Variants in CFAP184 observed in about 807,000 individuals in gnomAD.
CFAP184 encodes the protein cilia and flagella associated protein 184.
At chr4:7,041,440 C>G in the CFAP184 span, 1 of 1,614,256 alleles carries the variant, frequency 6.2e-7, no homozygotes, top group Non-Finnish European at 8.5e-7. Context: ...GCCTAGAAGG[C>G]CGCACTTCTG....
At chr4:7,042,873 G>C in the CFAP184 span, 66 of 1,565,858 alleles carry the variant, frequency 4.2e-5, no homozygotes, top group South Asian at 7.0e-4. Context: ...ACGGCCGCGC[G>C]GCCAGGCTTT....
the CFAP184 span, chr4:7,041,028 G>A: frequency 2.3e-5 from 10 of 440,514 alleles, no homozygotes; most frequent in Admixed American, 3.5e-4. Context: ...TTCATGAGAA[G>A]TCAGTTACAT....
the CFAP184 span, chr4:7,042,899 C>G: frequency 6.4e-7 from 1 of 1,551,796 alleles, no homozygotes; most frequent in African/African-American, 1.4e-5. Flanking sequence ...TCTCCGCCTT[C>G]CCCGCCGGGG....
At chr4:7,041,547 C>T in the CFAP184 span, 1 of 1,614,244 alleles carries the variant, frequency 6.2e-7, no homozygotes, top group Non-Finnish European at 8.5e-7. Flanking sequence ...CGATTTCTGC[C>T]AGCTGTGTCT....
chr4:7,041,330 A>C, the CFAP184 span: 1 of 1,614,040 alleles, frequency 6.2e-7, no homozygotes, highest in East Asian at 2.2e-5. Flanking sequence ...CTGCAGGACA[A>C]AGTGAGGCTA....
At chr4:7,041,798 G>C in the CFAP184 span, 4 of 1,611,664 alleles carry the variant, frequency 2.5e-6, no homozygotes, top group African/African-American at 2.7e-5. Context: ...TGCTTCAGCT[G>C]AATGTTCTCC....
the CFAP184 span, chr4:7,042,723 C>T: frequency 6.6e-7 from 1 of 1,518,336 alleles, no homozygotes; most frequent in Non-Finnish European, 8.8e-7. Context: ...CTGCCGTTAG[C>T]CCTTTCGGGG....
chr4:7,042,441 C>T, the CFAP184 span: 3 of 1,611,704 alleles, frequency 1.9e-6, no homozygotes, highest in Non-Finnish European at 2.5e-6. Context: ...CTTCCTCCCC[C>T]TCCACCCGCT....
chr4:7,042,294 C>A, the CFAP184 span: 1 of 1,588,048 alleles, frequency 6.3e-7, no homozygotes, highest in Non-Finnish European at 8.6e-7. Context: ...GCTTCTGGAC[C>A]TCCTCGGACC....
chr4:7,042,469 G>T, the CFAP184 span: 7 of 1,610,586 alleles, frequency 4.3e-6, no homozygotes, highest in Non-Finnish European at 5.9e-6. Flanking sequence ...GGCCTCCGGG[G>T]CTGCAGCAGC....
the CFAP184 span, chr4:7,042,662 G>A: frequency 9.3e-6 from 14 of 1,501,878 alleles, no homozygotes; most frequent in African/African-American, 1.8e-4. Flanking sequence ...TCGGGCTGGG[G>A]CTCGGCCGGC....
At chr4:7,042,903 G>T in the CFAP184 span, 17 of 1,549,472 alleles carry the variant, frequency 1.1e-5, no homozygotes, top group Non-Finnish European at 1.5e-5. Flanking sequence ...CGCCTTCCCC[G>T]CCGGGGTCCT....
the CFAP184 span, chr4:7,041,827 TC>T: frequency 3.7e-6 from 6 of 1,609,890 alleles, no homozygotes; most frequent in Admixed American, 1.0e-4. Context: ...GGCGCTCATC[TC>T]CTTCTCCTTT....
the CFAP184 span, chr4:7,041,817 G>C: frequency 6.2e-7 from 1 of 1,610,380 alleles, no homozygotes; most frequent in Non-Finnish European, 8.5e-7. Flanking sequence ...CCAGCCGCAC[G>C]GCGCTCATCT....
At chr4:7,041,561 T>TAAA in the CFAP184 span, 1 of 1,614,284 alleles carries the variant, frequency 6.2e-7, no homozygotes, top group Non-Finnish European at 8.5e-7. Context: ...TGTGTCTTTT[T>TAAA]GCACGCGTTC....
At chr4:7,041,191 T>A in the CFAP184 span, 1 of 1,501,082 alleles carries the variant, frequency 6.7e-7, no homozygotes, top group Non-Finnish European at 8.9e-7. Flanking sequence ...CAGGCCTTTT[T>A]AATAGCAACG....
At chr4:7,042,810 C>T in the CFAP184 span, 29 of 1,563,894 alleles carry the variant, frequency 1.9e-5, no homozygotes, top group East Asian at 6.6e-4. Flanking sequence ...GCTCCGACTC[C>T]AGCTCCCCGG....
the CFAP184 span, chr4:7,042,334 T>G: frequency 1.9e-6 from 3 of 1,606,168 alleles, no homozygotes; most frequent in Non-Finnish European, 2.6e-6. Context: ...GTCCCTTCCA[T>G]AGAGGCGCTT....
At chr4:7,042,970 C>T in the CFAP184 span, 1 of 1,397,198 alleles carries the variant, frequency 7.2e-7, no homozygotes. Context: ...CAGCGGACCC[C>T]GGCAGGACGC....
Sources: gnomAD v4.1 joint callset for allele counts on GRCh38, gnomAD v4.1.1 for gene constraint, MANE v1.5 for transcripts, NCBI Gene and HGNC (gene_info 2026-07-23, HGNC 2026-07-21) for gene names.